Variants in BCAR3 observed in about 807,000 individuals in gnomAD.
The protein encoded by BCAR3 is breast cancer anti-estrogen resistance protein 3.
A neutral mutation model predicts 80.1 loss-of-function variants in BCAR3; 37 were observed. The observed-to-expected ratio is 0.46, with a 90% confidence interval of 0.36 to 0.61. The LOEUF (loss-of-function observed/expected upper bound fraction) is 0.61. Ranked by LOEUF, BCAR3 falls within the 20% of genes least tolerant of loss-of-function variation. BCAR3 has a pLI of 0.00. For missense variants in BCAR3, 978 were observed against 1,068.2 expected (o/e 0.92, Z 1.18); for synonymous variants, 389 against 418.9 (o/e 0.93, Z 0.87).
intron 3 of BCAR3, among the ~76,000 whole-genome samples, chr1:93,620,746 C>T (rs1675281066): frequency 6.6e-6 from 1 of 152,154 alleles, no homozygotes; most frequent in African/African-American, 2.4e-5. Flanking sequence ...CATGCCGACT[C>T]CTTCATATTT....
chr1:93,714,611 T>C (rs1274478415), intron 2 of BCAR3, among the ~76,000 whole-genome samples: 2 of 152,128 alleles, frequency 1.3e-5, no homozygotes, highest in East Asian at 3.9e-4. Context: ...CATGAATTCA[T>C]CAAATCCCTC....
chr1:93,811,120 C>A (rs973771524), intron 2 of BCAR3, among the ~76,000 whole-genome samples: 19 of 152,148 alleles, frequency 1.2e-4, no homozygotes, highest in Admixed American at 6.5e-4. Context: ...CGTGAGGGAC[C>A]AAAGCACAGC....
At chr1:93,805,275 C>T (rs757870508) in intron 2 of BCAR3, among the ~76,000 whole-genome samples, 3 of 152,180 alleles carry the variant, frequency 2.0e-5, no homozygotes, top group Non-Finnish European at 4.4e-5. Flanking sequence ...CTGACTAATA[C>T]AGCAGGGTGG....
chr1:93,721,352 A>G (rs1255802686), intron 2 of BCAR3, among the ~76,000 whole-genome samples: 4 of 152,136 alleles, frequency 2.6e-5, no homozygotes. Context: ...CCCTCTGCCC[A>G]GAGAGTTCAC....
intron 2 of BCAR3, among the ~76,000 whole-genome samples, chr1:93,651,036 A>G (rs1676307939): frequency 6.6e-6 from 1 of 152,250 alleles, no homozygotes; most frequent in African/African-American, 2.4e-5. Context: ...AGGAATAAAT[A>G]GAACACTGGC....
intron 3 of BCAR3, among the ~76,000 whole-genome samples, chr1:93,620,570 T>A (rs1472496381): frequency 6.6e-6 from 1 of 152,072 alleles, no homozygotes; most frequent in Non-Finnish European, 1.5e-5. Flanking sequence ...TCCCATTGCC[T>A]TGGGACCAAG....
chr1:93,763,364 G>A (rs1238271355), intron 2 of BCAR3, among the ~76,000 whole-genome samples: 1 of 152,188 alleles, frequency 6.6e-6, no homozygotes, highest in African/African-American at 2.4e-5. Context: ...CAGCCAGCCT[G>A]CTAACACTTA....
At chr1:93,837,051 G>A (rs758678289) in intron 2 of BCAR3, among the ~76,000 whole-genome samples, 2 of 152,056 alleles carry the variant, frequency 1.3e-5, no homozygotes, top group African/African-American at 2.4e-5. Flanking sequence ...CTCACACAAA[G>A]CCTGTTTGGT....
chr1:93,833,084 C>T (rs879790682), intron 2 of BCAR3, among the ~76,000 whole-genome samples: 11 of 152,066 alleles, frequency 7.2e-5, no homozygotes, highest in African/African-American at 2.7e-4. Context: ...CCCCAAGTGT[C>T]GGCCGGTCTG....
intron 2 of BCAR3, among the ~76,000 whole-genome samples, chr1:93,757,018 C>T (rs571286344): frequency 6.6e-6 from 1 of 152,112 alleles, no homozygotes; most frequent in Non-Finnish European, 1.5e-5. Context: ...GTGGGGAGGA[C>T]CTGCAGGCAT....
At chr1:93,731,182 G>A (rs764494793) in intron 2 of BCAR3, among the ~76,000 whole-genome samples, 11 of 152,220 alleles carry the variant, frequency 7.2e-5, no homozygotes, top group East Asian at 1.9e-4. Context: ...GGCCAAGGAC[G>A]ACTCTGTGCA....
chr1:93,840,357 T>A (rs1440277999), intron 2 of BCAR3, among the ~76,000 whole-genome samples: 3 of 152,132 alleles, frequency 2.0e-5, no homozygotes, highest in Admixed American at 6.5e-5. Flanking sequence ...CCTTAGAGGG[T>A]TGTTATGAAG....
chr1:93,605,903 G>T (rs1182954212), intron 3 of BCAR3, among the ~76,000 whole-genome samples: 1 of 152,204 alleles, frequency 6.6e-6, no homozygotes, highest in Non-Finnish European at 1.5e-5. Flanking sequence ...TGGAGGAAAA[G>T]CCAAAGATTC....
chr1:93,691,633 C>T (rs1649192884), intron 3 of BCAR3, among the ~76,000 whole-genome samples: 1 of 152,104 alleles, frequency 6.6e-6, no homozygotes, highest in Non-Finnish European at 1.5e-5. Flanking sequence ...CCTGTTCCTT[C>T]CTCATTTTCC....
chr1:93,760,330 G>A (rs1651891856), intron 2 of BCAR3, among the ~76,000 whole-genome samples: 1 of 152,098 alleles, frequency 6.6e-6, no homozygotes, highest in African/African-American at 2.4e-5. Context: ...TTTCAGTGGG[G>A]ACTCAGCAAT....
At chr1:93,784,247 G>A (rs1004114457) in intron 2 of BCAR3, among the ~76,000 whole-genome samples, 6 of 150,896 alleles carry the variant, frequency 4.0e-5, no homozygotes, top group African/African-American at 7.3e-5. Flanking sequence ...GGGGCATTTT[G>A]TTAAGCAACA....
At chr1:93,669,892 T>C (rs1413118790) in intron 2 of BCAR3, among the ~76,000 whole-genome samples, 3 of 152,146 alleles carry the variant, frequency 2.0e-5, no homozygotes, top group Non-Finnish European at 2.9e-5. Context: ...AGCTATGAGA[T>C]GCAAAGGCAT....
At chr1:93,724,554 T>C (rs6541393) in intron 2 of BCAR3, among the ~76,000 whole-genome samples, 127,825 of 152,208 alleles carry the variant, frequency 0.84, 53,959 homozygotes, top group South Asian at 0.89. Context: ...AGAAAATGCC[T>C]GCTTCCTGCA....
intron 2 of BCAR3, among the ~76,000 whole-genome samples, chr1:93,811,036 T>C (rs1036416565): frequency 9.9e-5 from 15 of 151,978 alleles, no homozygotes; most frequent in Non-Finnish European, 1.5e-5. Context: ...GGTAACAGAA[T>C]CCCAATTTTA....
Sources: gnomAD v4.1 joint callset for allele counts (sites outside exome capture counted in the v4.1 genomes callset) on GRCh38, gnomAD v4.1.1 for gene constraint, MANE v1.5 for transcripts, NCBI Gene and HGNC (gene_info 2026-07-23, HGNC 2026-07-21) for gene names.